Variants in SEL1L2 observed in about 807,000 individuals in gnomAD.
SEL1L2 encodes the protein SEL1L2 adaptor subunit of SYVN1 ubiquitin ligase.
SEL1L2 carries 89 observed loss-of-function variants against 98.8 expected under a neutral mutation model. The ratio of observed to expected loss-of-function variants is 0.90; its 90% CI spans 0.76 to 1.07. The LOEUF (loss-of-function observed/expected upper bound fraction) is 1.07. Ranked by LOEUF, SEL1L2 falls within the 50% of genes least tolerant of loss-of-function variation. The pLI, the probability that SEL1L2 is intolerant of heterozygous loss-of-function variation, is 0.00. For missense variants in SEL1L2, 788 were observed against 812.0 expected (o/e 0.97, Z 0.36); for synonymous variants, 262 against 278.5 (o/e 0.94, Z 0.59).
rs1311575038 is a variant in SEL1L2, at chr20:13,954,216, T to A, written c.114+1860A>T. ...TTTAAAATTATAATGTAAATGGTAA[T>A]TATTATGGAAGATAACCAGAATTTG... On this transcript the variant is annotated intron_variant, in intron 2 of 19. Coordinates refer to ENST00000284951, the MANE Select transcript of SEL1L2 (RefSeq NM_025229.2). Among the ~76,000 whole-genome samples the A allele has an allele frequency of 3.3e-5, 5 of 152,054 alleles. No homozygotes were observed. The East Asian group carries it at 9.7e-4, about 29-fold the overall frequency.
chr20:13,939,829 G>A (rs1170224966), intron 2 of SEL1L2, among the ~76,000 whole-genome samples: 3 of 152,088 alleles, frequency 2.0e-5, no homozygotes, highest in African/African-American at 7.2e-5. Flanking sequence ...ACCATGCCCA[G>A]CTAATTTTTG....
chr20:13,968,570 C>T (rs1424570941), intron 1 of SEL1L2, among the ~76,000 whole-genome samples: 1 of 152,096 alleles, frequency 6.6e-6, no homozygotes, highest in East Asian at 1.9e-4. Context: ...GGCCTTTTCC[C>T]AATTTAGTCA....
chr20:13,901,227 T>C (rs2047666224), intron 5 of SEL1L2, among the ~76,000 whole-genome samples: 1 of 151,652 alleles, frequency 6.6e-6, no homozygotes, highest in African/African-American at 2.4e-5. Flanking sequence ...CCTGCCCCCA[T>C]GCCCGGCTAA....
Position 13,876,063 on chromosome 20 carries a change from T to C in SEL1L2, c.1079A>G (p.Lys360Arg), listed in dbSNP as rs755141872. ...CTTACTGGCTGCCATGGAAAAGTAC[T>C]TGAAGGCAGTAGCGTTATTTTGCGG... ...AVPQNNATAF[K>R]YFSMAASKGN... Residue 360 changes from lysine (K) to arginine (R), a missense_variant, in exon 12 of 20, where the codon AAG (lysine) becomes AGG (arginine). Lys to Arg is a conservative substitution (Grantham distance 26, BLOSUM62 2). Transcript: ENST00000284951. 6.2e-7 allele frequency: 1 copy of C among 1,613,930 alleles called. No individual in the cohort carries two copies. The highest frequency in any genetic ancestry group is 1.3e-5 in the African/African-American group (1 of 74,934).
Position 13,990,613 on chromosome 20 carries a change from C to T in SEL1L2, c.-79G>A. The T allele has an allele frequency of 2.7e-6, 3 of 1,114,078 alleles. No homozygotes were observed. Among genetic ancestry groups the T allele is most frequent in the South Asian group, 1.3e-5 (1 of 77,056 alleles). The allele number at this position is 1,114,078 out of a possible 1,614,324, so 69.0% of individuals were successfully genotyped here. On this transcript the variant is annotated 5_prime_UTR_variant, in exon 1 of 20. Transcript: ENST00000284951. ...GCCCAAGAGCTCCTCTTCTCAGGGACTGTGGTGGGGGCAGGAGTCAGTTGC... is the reference window on the plus strand; with the variant it reads ...GCCCAAGAGCTCCTCTTCTCAGGGATTGTGGTGGGGGCAGGAGTCAGTTGC...
intron 11 of SEL1L2, 66 bp from the exon 12 acceptor site, chr20:13,876,181 A>T (rs1459461569): frequency 6.0e-6 from 7 of 1,163,938 alleles, no homozygotes; most frequent in Non-Finnish European, 1.3e-6. Flanking sequence ...AAATATTTTA[A>T]AATGAAATAG....
intron 10 of SEL1L2, among the ~76,000 whole-genome samples, chr20:13,881,809 T>A (rs1196429774): frequency 6.6e-6 from 1 of 152,186 alleles, no homozygotes; most frequent in African/African-American, 2.4e-5. Context: ...TACTAATAAT[T>A]CTCTTTGGTG....
chr20:13,971,956 T>C (rs543519539), intron 1 of SEL1L2, among the ~76,000 whole-genome samples: 13 of 152,284 alleles, frequency 8.5e-5, no homozygotes, highest in African/African-American at 3.1e-4. Context: ...TCCTCTATTC[T>C]TCTGGCAATA....
At chr20:13,943,952 TAA>T (rs1491416518) in intron 2 of SEL1L2, among the ~76,000 whole-genome samples, 1 of 151,520 alleles carries the variant, frequency 6.6e-6, no homozygotes, top group Admixed American at 6.6e-5. Flanking sequence ...AGGAACCAAT[TAA>T]GAGAGAGAGA....
intron 5 of SEL1L2, among the ~76,000 whole-genome samples, chr20:13,909,055 C>A (rs1476627628): frequency 6.7e-6 from 1 of 148,704 alleles, no homozygotes. Flanking sequence ...ACTGTTCTTC[C>A]CTTTTCCCTC....
In SEL1L2 at chr20:13,915,000, G is replaced by A. The variant is rs540640711; in HGVS notation, c.387-1056C>T. 6.6e-5 allele frequency: 53 copies of A among 804,548 alleles called. 1 individual carries two copies. The South Asian group carries it at 8.4e-4, about 13-fold the overall frequency. 49.8% of individuals were successfully genotyped at this position (804,548 alleles called of 1,614,324 possible). On this transcript the variant is annotated intron_variant, in intron 4 of 19. Coordinates refer to ENST00000284951, the MANE Select transcript of SEL1L2 (RefSeq NM_025229.2). Reference sequence around the variant, plus strand: ...GATTTATTTTTACTTTTATAACTTCGTTTTGAAGGTAAAGACCAGAAAGCG... The same window carrying A: ...GATTTATTTTTACTTTTATAACTTCATTTTGAAGGTAAAGACCAGAAAGCG...
intron 12 of SEL1L2, among the ~76,000 whole-genome samples, chr20:13,872,630 G>T (rs1435928908): frequency 2.0e-5 from 3 of 152,150 alleles, no homozygotes; most frequent in African/African-American, 7.2e-5. Context: ...GATATGAAAG[G>T]AGGGAAGGAA....
chr20:13,959,156 G>A (rs566817333), intron 1 of SEL1L2, among the ~76,000 whole-genome samples: 41 of 152,126 alleles, frequency 2.7e-4, no homozygotes, highest in Non-Finnish European at 4.7e-4. Flanking sequence ...CTCATGAGCT[G>A]AACGAAGATT....
intron 2 of SEL1L2, among the ~76,000 whole-genome samples, chr20:13,945,526 A>G (rs1448146310): frequency 3.3e-5 from 5 of 151,562 alleles, no homozygotes; most frequent in African/African-American, 1.2e-4. Context: ...GTTTTTTAAG[A>G]CTTTGAATTC....
intron 1 of SEL1L2, among the ~76,000 whole-genome samples, chr20:13,983,066 A>T (rs1177904605): frequency 3.7e-4 from 38 of 103,160 alleles, no homozygotes; most frequent in Non-Finnish European, 6.6e-4. Flanking sequence ...CCAAGTTGAT[A>T]GAGTGAAGAG....
intron 1 of SEL1L2, among the ~76,000 whole-genome samples, chr20:13,959,448 T>C (rs1414578495): frequency 1.3e-5 from 2 of 152,138 alleles, no homozygotes; most frequent in Non-Finnish European, 1.5e-5. Context: ...ATTGAAGAGA[T>C]GCACCGAAAA....
At chr20:13,911,514 G>A (rs1039246991) in intron 5 of SEL1L2, among the ~76,000 whole-genome samples, 1 of 152,102 alleles carries the variant, frequency 6.6e-6, no homozygotes, top group African/African-American at 2.4e-5. Flanking sequence ...AGCAAATACG[G>A]GGAATGAAGG....
chr20:13,862,685 TTTA>T (rs1414004972), intron 17 of SEL1L2, among the ~76,000 whole-genome samples: 2 of 151,256 alleles, frequency 1.3e-5, no homozygotes, highest in Admixed American at 6.6e-5. Context: ...ATTATTATTA[TTTA>T]TTATTATTAT....
intron 18 of SEL1L2, among the ~76,000 whole-genome samples, chr20:13,852,733 G>A (rs1019315009): frequency 6.6e-6 from 1 of 152,182 alleles, no homozygotes; most frequent in Non-Finnish European, 1.5e-5. Context: ...CCAATATTCA[G>A]ATGTTCAAAA....
Sources: gnomAD v4.1 joint callset for allele counts (sites outside exome capture counted in the v4.1 genomes callset) on GRCh38, gnomAD v4.1.1 for gene constraint, MANE v1.5 for transcripts, NCBI Gene and HGNC (gene_info 2026-07-23, HGNC 2026-07-21) for gene names.